Variants in ZNF827 observed in about 807,000 individuals in gnomAD.
ZNF827 encodes zinc finger protein 827.
Under a neutral mutation model 102.4 loss-of-function variants are expected in ZNF827, and 13 were observed. That is an observed-to-expected ratio of 0.13 (90% CI 0.08 to 0.20). The LOEUF (loss-of-function observed/expected upper bound fraction) is 0.20. Ranked by LOEUF, ZNF827 falls within the 10% of genes least tolerant of loss-of-function variation. The pLI is 1.00. For missense variants in ZNF827, 1,103 were observed against 1,344.4 expected (o/e 0.82, Z 2.81); for synonymous variants, 523 against 536.2 (o/e 0.98, Z 0.34).
chr4:145,933,902 G>A (rs1419921798), intron 1 of ZNF827, among the ~76,000 whole-genome samples: 1 of 152,110 alleles, frequency 6.6e-6, no homozygotes, highest in Non-Finnish European at 1.5e-5. Context: ...CGTGGTAACG[G>A]TCACAGCATC....
At position 145,766,024 on chromosome 4, in the gene ZNF827, AC is replaced by A. The variant is rs1178132428; in HGVS notation, c.2861-287del. Reference sequence around the variant, plus strand: ...ATAGCTAAGACATACTAAACATGTTACCACGTTCCAGGAACTGTATTATACT... The same window carrying A: ...ATAGCTAAGACATACTAAACATGTTACACGTTCCAGGAACTGTATTATACT... On this transcript the variant is annotated intron_variant, in intron 11 of 14. Transcript: ENST00000508784. Among the ~76,000 whole-genome samples the A allele has an allele frequency of 5.9e-5, 9 of 152,354 alleles. No homozygotes were observed. The South Asian group carries it at 1.7e-3, about 28-fold the overall frequency.
At chr4:145,921,663 T>C (rs1753077155) in intron 1 of ZNF827, among the ~76,000 whole-genome samples, 1 of 151,896 alleles carries the variant, frequency 6.6e-6, no homozygotes, top group Non-Finnish European at 1.5e-5. Flanking sequence ...GGGGTGGCAT[T>C]TGGATTACAC....
intron 11 of ZNF827, among the ~76,000 whole-genome samples, chr4:145,774,169 G>A (rs1001544155): frequency 1.3e-5 from 2 of 152,188 alleles, no homozygotes; most frequent in Non-Finnish European, 2.9e-5. Flanking sequence ...GGGCTTAAAT[G>A]AGAGCCAGTG....
At chr4:145,803,480 T>C (rs1741118125) in intron 8 of ZNF827, among the ~76,000 whole-genome samples, 1 of 152,114 alleles carries the variant, frequency 6.6e-6, no homozygotes, top group African/African-American at 2.4e-5. Context: ...AGTTCTTCAA[T>C]TGCACAAATA....
In ZNF827 at chr4:145,853,974, TA is replaced by T. The variant is rs138471329; in HGVS notation, c.1982-4414del. 1.2e-4 allele frequency among the ~76,000 whole-genome samples: 18 copies of T among 149,932 alleles called. No homozygotes were observed. In the East Asian group the frequency reaches 2.2e-3, roughly 18 times the overall value. On this transcript the variant is annotated intron_variant, in intron 5 of 14. Transcript: ENST00000508784. ...AGCAATTAAAAAAAAAAGTCTCAATTAAAAAAAAATGAAGAAACAAATGTGA... is the reference window on the plus strand; with the variant it reads ...AGCAATTAAAAAAAAAAGTCTCAATTAAAAAAAATGAAGAAACAAATGTGA...
At position 145,779,357 on chromosome 4, in the gene ZNF827, A is replaced by G; in HGVS notation, c.2521+17T>C. 6.2e-7 allele frequency: 1 copy of G among 1,613,054 alleles called. No individual in the cohort carries two copies. The highest frequency in any genetic ancestry group is 8.5e-7 in the Non-Finnish European group (1 of 1,179,498). On this transcript the variant is annotated intron_variant, in intron 9 of 14. Transcript: ENST00000508784. Reference sequence around the variant, plus strand: ...ATGGAGCATAGAGGGCTGACAGCCCAGGCCCTACTCACTCACCTGTGTGCA... The same window carrying G: ...ATGGAGCATAGAGGGCTGACAGCCCGGGCCCTACTCACTCACCTGTGTGCA...
At chr4:145,931,214 A>G (rs946887088) in intron 1 of ZNF827, among the ~76,000 whole-genome samples, 1 of 152,216 alleles carries the variant, frequency 6.6e-6, no homozygotes, top group African/African-American at 2.4e-5. Flanking sequence ...TTATTCTCTT[A>G]TAAAATATGA....
intron 1 of ZNF827, among the ~76,000 whole-genome samples, chr4:145,936,916 G>C (rs973337197): frequency 1.3e-5 from 2 of 151,800 alleles, no homozygotes; most frequent in African/African-American, 4.8e-5. Context: ...GGAGTAGTGT[G>C]GGGGGAGAGA....
In ZNF827 at chr4:145,938,545, C is replaced by T. The variant is rs1480774221; in HGVS notation, c.-138G>A. The T allele has an allele frequency of 3.1e-6, 2 of 640,864 alleles. No individual in the cohort carries two copies. Among genetic ancestry groups the T allele is most frequent in the African/African-American group, 3.6e-5 (2 of 55,896 alleles). 39.7% of individuals were successfully genotyped at this position (640,864 alleles called of 1,614,324 possible). A position where few individuals can be genotyped will look rare whatever the true frequency, so the allele number is the denominator to read the frequency against. ...GGCGGGCAGGGGGAAACCCCTTCTC[C>T]GGTGTGTGCAATGGGTTGAAGCTTG... On this transcript the variant is annotated 5_prime_UTR_variant, in exon 1 of 15. Coordinates refer to ENST00000508784, the MANE Select transcript of ZNF827 (RefSeq NM_001306215.2).
intron 7 of ZNF827, among the ~76,000 whole-genome samples, chr4:145,836,588 C>T (rs937293855): frequency 3.3e-5 from 5 of 152,162 alleles, no homozygotes; most frequent in Admixed American, 1.3e-4. Flanking sequence ...GTTCCTGGCT[C>T]GGACTTCAAT....
At chr4:145,906,082 C>T (rs537302866) in intron 1 of ZNF827, among the ~76,000 whole-genome samples, 3 of 152,276 alleles carry the variant, frequency 2.0e-5, no homozygotes, top group African/African-American at 4.8e-5. Context: ...CTATTAAATA[C>T]GTTAAGTAAA....
At chr4:145,845,072 T>C (rs960991393) in intron 7 of ZNF827, among the ~76,000 whole-genome samples, 4 of 152,200 alleles carry the variant, frequency 2.6e-5, no homozygotes, top group Non-Finnish European at 5.9e-5. Context: ...ATCCTAAAAA[T>C]GTGTATTGCT....
At chr4:145,885,622 G>A in intron 4 of ZNF827, 56 bp downstream of exon 4, 1 of 1,134,172 alleles carries the variant, frequency 8.8e-7, no homozygotes, top group Non-Finnish European at 1.1e-6. Flanking sequence ...GAGAGAGAGA[G>A]AGAGAGAGAG....
intron 7 of ZNF827, among the ~76,000 whole-genome samples, chr4:145,827,860 T>G (rs1743839972): frequency 6.6e-6 from 1 of 152,240 alleles, no homozygotes; most frequent in Admixed American, 6.5e-5. Flanking sequence ...GAAAGTTCAT[T>G]TTCAGAATGC....
intron 7 of ZNF827, chr4:145,832,468 T>C (rs868072721): frequency 6.6e-6 from 1 of 151,770 alleles, no homozygotes; most frequent in Non-Finnish European, 1.5e-5. Context: ...AAGCACAGAG[T>C]TGATCGGGCC....
chr4:145,766,200 T>C (rs1051862675), intron 11 of ZNF827, among the ~76,000 whole-genome samples: 4 of 152,148 alleles, frequency 2.6e-5, no homozygotes, highest in Non-Finnish European at 5.9e-5. Context: ...TGAGTTCGTC[T>C]GACTCCAGGG....
chr4:145,858,157 GTGTGT>G (rs1166676452), intron 5 of ZNF827, among the ~76,000 whole-genome samples: 1 of 151,362 alleles, frequency 6.6e-6, no homozygotes, highest in Admixed American at 6.6e-5. Flanking sequence ...GTGTGTGTGT[GTGTGT>G]GTGTGTGTGT....
At chr4:145,930,798 T>G (rs1753742815) in intron 1 of ZNF827, among the ~76,000 whole-genome samples, 1 of 152,194 alleles carries the variant, frequency 6.6e-6, no homozygotes, top group South Asian at 2.1e-4. Flanking sequence ...CACTGTGCAT[T>G]TTATAAAATT....
chr4:145,888,399 G>A (rs1269463898), intron 3 of ZNF827, among the ~76,000 whole-genome samples: 1 of 152,140 alleles, frequency 6.6e-6, no homozygotes, highest in African/African-American at 2.4e-5. Flanking sequence ...TCTAAAGCAC[G>A]TCATTCTCTC....
Sources: allele counts gnomAD v4.1 joint callset (sites outside exome capture counted in the v4.1 genomes callset), GRCh38; gene constraint gnomAD v4.1.1; transcripts MANE v1.5; gene names NCBI Gene and HGNC (gene_info 2026-07-23, HGNC 2026-07-21).